The following NCR2 variants were observed in gnomAD, a reference collection of about 807,000 sequenced individuals.
NCR2 encodes NK cell activating receptor (NKp44).
Under a neutral mutation model 30.7 loss-of-function variants are expected in NCR2, and 35 were observed. That is an observed-to-expected ratio of 1.14 (90% CI 0.87 to 1.51). The LOEUF (loss-of-function observed/expected upper bound fraction) is 1.51. NCR2 is among the 40% of genes most tolerant of loss of function. The pLI is 0.00. For missense variants in NCR2, 316 were observed against 328.9 expected (o/e 0.96, Z 0.30); for synonymous variants, 146 against 134.8 (o/e 1.08, Z -0.58).
intron 4 of NCR2, among the ~76,000 whole-genome samples, chr6:41,347,278 T>C (rs1174145113): frequency 6.6e-6 from 1 of 152,210 alleles, no homozygotes. Context: ...TCCCGGGTTG[T>C]ATGTCATGAC....
At chr6:41,347,249 C>T (rs1769323220) in intron 4 of NCR2, among the ~76,000 whole-genome samples, 1 of 152,116 alleles carries the variant, frequency 6.6e-6, no homozygotes, top group South Asian at 2.1e-4. Context: ...AGGAGCCACC[C>T]CTCTCTCCTG....
At chr6:41,347,730 T>C (rs1389107462) in intron 4 of NCR2, among the ~76,000 whole-genome samples, 5 of 152,184 alleles carry the variant, frequency 3.3e-5, no homozygotes, top group Non-Finnish European at 5.9e-5. Context: ...CACAGGTTTT[T>C]TGGGGGGATG....
chr6:41,341,773 GCT>G lies in NCR2; in HGVS notation c.395-18_395-17del. 6.3e-7 allele frequency: 1 copy of G among 1,599,936 alleles called. No individual in the cohort carries two copies. Among genetic ancestry groups the G allele is most frequent in the Non-Finnish European group, 8.5e-7 (1 of 1,174,064 alleles). On this transcript the variant is annotated intron_variant, in intron 2 of 4. Transcript: ENST00000373089. ...GTGAGGTCTCCCACTCACTAACCAC[GCT>G]CTTTCTCCTCCCTGGCAGCCTCTGC...
Position 41,338,078 on chromosome 6 carries a change from A to C in NCR2, c.394+1650A>C, listed in dbSNP as rs1581659493. ...TGGTTCTTCTGACTTTTATGTTTGC[A>C]CTTAGACTTTACTTGCCATTGAAAA... On this transcript the variant is annotated intron_variant, in intron 2 of 4. Transcript: ENST00000373089. Among the ~76,000 whole-genome samples, 4 of 152,212 alleles carry C rather than the reference A, an allele frequency of 2.6e-5. No homozygotes were observed. In the South Asian group the frequency reaches 8.3e-4, roughly 32 times the overall value.
intron 4 of NCR2, among the ~76,000 whole-genome samples, chr6:41,348,056 C>A (rs1769345495): frequency 6.6e-6 from 1 of 152,326 alleles, no homozygotes; most frequent in South Asian, 2.1e-4. Flanking sequence ...ATATTCTACT[C>A]ATCGGAAGCC....
Position 41,350,686 on chromosome 6 carries a change from T to A in NCR2, c.653T>A (p.Ile218Lys), listed in dbSNP as rs2273961. 0.048 allele frequency: 76,697 copies of A among 1,612,308 alleles called. 4,245 individuals are homozygous for A. Among genetic ancestry groups the A allele is most frequent in the East Asian group, 0.32 (14,374 of 44,850 alleles). ...TCCTGCTCTGATTGCAGGGGGGACA[T>A]ATGGTGGAAAACCATGATGGAGCTC... is the stretch of plus-strand genomic sequence containing the variant. ...LSALLVWWGD[I>K]WWKTMMELRS... Residue 218 changes from isoleucine (I) to lysine (K), a missense_variant, in exon 5 of 5, where the codon ATA becomes AAA. Coordinates refer to ENST00000373089, the MANE Select transcript of NCR2 (RefSeq NM_004828.4).
intron 2 of NCR2, among the ~76,000 whole-genome samples, chr6:41,339,557 T>A (rs1020974283): frequency 3.3e-5 from 5 of 151,888 alleles, no homozygotes; most frequent in Non-Finnish European, 1.5e-5. Flanking sequence ...GCTAATTTTT[T>A]TATATTTTTA....
At chr6:41,345,146 A>T (rs1033281744) in intron 4 of NCR2, among the ~76,000 whole-genome samples, 6 of 152,140 alleles carry the variant, frequency 3.9e-5, no homozygotes, top group African/African-American at 1.2e-4. Context: ...AAGACAGAGG[A>T]TGTGGGCAGC....
chr6:41,347,086 G>A (rs144655531), intron 4 of NCR2, among the ~76,000 whole-genome samples: 23 of 152,242 alleles, frequency 1.5e-4, no homozygotes, highest in East Asian at 9.6e-4. Flanking sequence ...ATGGAGGTGC[G>A]TACTTGTGGT....
chr6:41,339,384 G>A (rs1046565482), intron 2 of NCR2, among the ~76,000 whole-genome samples: 3 of 149,270 alleles, frequency 2.0e-5, no homozygotes, highest in Admixed American at 1.3e-4. Context: ...TTTTGTTGTT[G>A]TTGTTATTGT....
chr6:41,350,109 T>C (rs938102663), intron 4 of NCR2, among the ~76,000 whole-genome samples: 3 of 152,214 alleles, frequency 2.0e-5, no homozygotes, highest in African/African-American at 7.2e-5. Flanking sequence ...CCTTCCTTTT[T>C]ACCAACTAAA....
Position 41,336,463 on chromosome 6 carries a change from C to T in NCR2, c.394+35C>T, listed in dbSNP as rs765715360. The T allele has an allele frequency of 1.9e-6, 3 of 1,551,184 alleles. No homozygotes were observed. In the African/African-American group the frequency reaches 4.1e-5, roughly 21 times the overall value. Reference sequence around the variant, plus strand: ...TTCCCTAGGGTCCTCAGAGGGGTGCCCCTCACCCCCTTTTGGTGCCTCCAT... The same window carrying T: ...TTCCCTAGGGTCCTCAGAGGGGTGCTCCTCACCCCCTTTTGGTGCCTCCAT... On this transcript the variant is annotated intron_variant, in intron 2 of 4. Transcript: ENST00000373089.
chr6:41,338,093 G>C (rs1229540375), intron 2 of NCR2, among the ~76,000 whole-genome samples: 2 of 152,078 alleles, frequency 1.3e-5, no homozygotes, highest in African/African-American at 4.8e-5. Flanking sequence ...GACTTTACTT[G>C]CCATTGAAAA....
intron 4 of NCR2, among the ~76,000 whole-genome samples, chr6:41,348,000 G>A (rs776829982): frequency 5.3e-5 from 8 of 152,176 alleles, no homozygotes; most frequent in Non-Finnish European, 1.0e-4. Context: ...AAGTCATAGT[G>A]CCATTAATAA....
chr6:41,344,856 G>A (rs1203827718), intron 4 of NCR2, among the ~76,000 whole-genome samples: 1 of 152,200 alleles, frequency 6.6e-6, no homozygotes, highest in African/African-American at 2.4e-5. Context: ...GTGGGCTCCA[G>A]GCGGATTGGG....
At chr6:41,342,275 A>T (rs1769194156) in intron 4 of NCR2, 126 bp downstream of exon 4, 4 of 1,310,506 alleles carry the variant, frequency 3.1e-6, no homozygotes, top group Non-Finnish European at 1.0e-6. Flanking sequence ...AGCTCTCCAA[A>T]TTAAAGCCCT....
chr6:41,346,133 T>A (rs190845261), intron 4 of NCR2, among the ~76,000 whole-genome samples: 47 of 152,196 alleles, frequency 3.1e-4, no homozygotes, highest in Admixed American at 1.6e-3. Context: ...GGCTCTTTAT[T>A]CCTCATGGGT....
intron 4 of NCR2, among the ~76,000 whole-genome samples, chr6:41,347,046 CTT>C (rs1185967895): frequency 1.3e-5 from 2 of 152,188 alleles, no homozygotes; most frequent in Non-Finnish European, 2.9e-5. Flanking sequence ...ACCATCTTCT[CTT>C]GTCTACACAA....
chr6:41,339,606 C>T (rs973808723), intron 2 of NCR2, among the ~76,000 whole-genome samples: 1 of 150,142 alleles, frequency 6.7e-6, no homozygotes, highest in African/African-American at 2.5e-5. Context: ...AGGATGGTCT[C>T]GATCTCCTGA....
Sources: gnomAD v4.1 joint callset for allele counts (sites outside exome capture counted in the v4.1 genomes callset) on GRCh38, gnomAD v4.1.1 for gene constraint, MANE v1.5 for transcripts, NCBI Gene and HGNC (gene_info 2026-07-23, HGNC 2026-07-21) for gene names.